Variants in ALB observed in about 807,000 individuals in gnomAD.
ALB encodes serum albumin.
ALB carries 37 observed loss-of-function variants against 74.5 expected under a neutral mutation model. The ratio of observed to expected loss-of-function variants is 0.50; its 90% CI spans 0.38 to 0.65. The LOEUF (loss-of-function observed/expected upper bound fraction) is 0.65. ALB is among the 30% of genes least tolerant of loss of function. The pLI, the probability that ALB is intolerant of heterozygous loss-of-function variation, is 0.00. For synonymous variants in ALB, 249 were observed against 251.6 expected (o/e 0.99, Z 0.10); for missense variants, 685 against 718.7 (o/e 0.95, Z 0.54).
Position 73,406,660 on chromosome 4 carries a change from C to T in ALB, c.169C>T (p.Gln57Ter). The change falls in exon 3 of 15, where the codon CAG becomes TAG. Residue 57 changes from glutamine (Q) to a stop codon, truncating the protein, a stop_gained. Transcript: ENST00000295897. LOFTEE classifies it high-confidence loss of function. ...GATTGCCTTTGCTCAGTATCTTCAG[C>T]AGTGTCCATTTGAAGATCATGTAAA... Reference protein sequence around the residue: ...VLIAFAQYLQQCPFEDHVKLV... With the variant: ...VLIAFAQYLQ 1 of 1,613,780 alleles carries T rather than the reference C, an allele frequency of 6.2e-7. No homozygotes were observed. The highest frequency in any genetic ancestry group is 1.1e-5 in the South Asian group (1 of 91,076).
chr4:73,410,258 G>T (rs1577937004), intron 5 of ALB, 54 bp from the exon 6 acceptor site: 4 of 1,354,338 alleles, frequency 3.0e-6, no homozygotes, highest in Non-Finnish European at 4.2e-6. Context: ...TTATGGAGGG[G>T]TGTTTCATGT....
chr4:73,420,165 G>A (rs760591610), intron 13 of ALB, 89 bp from the exon 14 acceptor site: 25 of 1,152,762 alleles, frequency 2.2e-5, no homozygotes, highest in Non-Finnish European at 3.1e-5. Context: ...AAATCACTTT[G>A]CAATCATCAA....
At position 73,405,927 on chromosome 4, in the gene ALB, TG is replaced by T. The variant is rs1340310239; in HGVS notation, c.138-701del. Among the ~76,000 whole-genome samples the T allele has an allele frequency of 2.6e-5, 4 of 152,148 alleles. No homozygotes were observed. In the East Asian group the frequency reaches 7.7e-4, roughly 29 times the overall value. ...TTAATCTAGTAAAAAATGAGAAAAT[TG>T]TTTTTTTAAAAGTCTACCTAATCCT... On this transcript the variant is annotated intron_variant, in intron 2 of 14. Transcript: ENST00000295897.
At chr4:73,409,676 T>C (rs1337362618) in intron 5 of ALB, among the ~76,000 whole-genome samples, 189 bp downstream of exon 5, 1 of 152,186 alleles carries the variant, frequency 6.6e-6, no homozygotes, top group Admixed American at 6.5e-5. Flanking sequence ...TTTTAAGATT[T>C]GCCAATGATG....
At chr4:73,416,220 G>C in intron 9 of ALB, 36 bp from the exon 10 acceptor site, 1 of 1,553,360 alleles carries the variant, frequency 6.4e-7, no homozygotes, top group Non-Finnish European at 8.9e-7. Context: ...TGATCCTGAG[G>C]CATAATACTA....
Position 73,416,912 on chromosome 4 carries a change from A to G in ALB, c.1289+559A>G, listed in dbSNP as rs191726335. On this transcript the variant is annotated intron_variant, in intron 10 of 14. Coordinates refer to ENST00000295897, the MANE Select transcript of ALB (RefSeq NM_000477.7). ...AATAGAGTCTTATCTATGAAGGTTA[A>G]AAACAAGAAGAGACATATTATACAG... 3.5e-4 allele frequency among the ~76,000 whole-genome samples: 53 copies of G among 152,278 alleles called. No homozygotes were observed. In the East Asian group the frequency reaches 8.9e-3, roughly 26 times the overall value.
intron 6 of ALB, among the ~76,000 whole-genome samples, chr4:73,411,195 C>T (rs1043276707): frequency 2.6e-5 from 4 of 151,498 alleles, no homozygotes; most frequent in Non-Finnish European, 4.4e-5. Flanking sequence ...ACTGTATTTG[C>T]TCATCATTCC....
intron 6 of ALB, among the ~76,000 whole-genome samples, chr4:73,411,041 C>T (rs1260950284): frequency 6.6e-6 from 1 of 152,140 alleles, no homozygotes; most frequent in African/African-American, 2.4e-5. Flanking sequence ...GTTCTGGGAG[C>T]ATACTTTAAT....
chr4:73,412,464 A>T (rs1718903974), intron 7 of ALB, among the ~76,000 whole-genome samples: 1 of 152,110 alleles, frequency 6.6e-6, no homozygotes, highest in African/African-American at 2.4e-5. Flanking sequence ...TCTTTTTTTA[A>T]GACAGAGTTT....
At chr4:73,414,670 G>A (rs1320450914) in intron 8 of ALB, among the ~76,000 whole-genome samples, 1 of 152,052 alleles carries the variant, frequency 6.6e-6, no homozygotes, top group African/African-American at 2.4e-5. Context: ...GGTCAGACTG[G>A]TCTCAAACTC....
At chr4:73,416,558 T>C (rs1719019372) in intron 10 of ALB, among the ~76,000 whole-genome samples, 1 of 152,152 alleles carries the variant, frequency 6.6e-6, no homozygotes, top group Admixed American at 6.5e-5. Context: ...AAAATTGTTC[T>C]CTTAAGATTG....
At position 73,419,731 on chromosome 4, in the gene ALB, C is replaced by CT. The variant is rs528209237; in HGVS notation, c.1785+95dup. 2.3e-3 allele frequency: 3,324 copies of CT among 1,455,668 alleles called. 107 individuals carry two copies. In the Admixed American group the frequency reaches 0.053, roughly 23 times the overall value. 90.2% of individuals were successfully genotyped at this position (1,455,668 alleles called of 1,614,324 possible). Reference sequence around the variant, plus strand: ...TTAGGGATTTATATATCAAAGGAGGCTTTGTACATGTGGGACAGGGATCTT... The same window carrying CT: ...TTAGGGATTTATATATCAAAGGAGGCTTTTGTACATGTGGGACAGGGATCTT... On this transcript the variant is annotated intron_variant, in intron 13 of 14. Coordinates refer to ENST00000295897, the MANE Select transcript of ALB (RefSeq NM_000477.7).
At chr4:73,413,694 T>C (rs1231805981) in intron 8 of ALB, 60 bp downstream of exon 8, 4 of 1,512,758 alleles carry the variant, frequency 2.6e-6, no homozygotes, top group Non-Finnish European at 3.7e-6. Flanking sequence ...CTTAGGAGGA[T>C]AGCCTAGGCT....
At chr4:73,413,108 T>G (rs1292707261) in intron 7 of ALB, 5 of 309,562 alleles carry the variant, frequency 1.6e-5, no homozygotes, top group African/African-American at 8.6e-5. Flanking sequence ...CACTTAATTT[T>G]GGGGGATTAT....
At chr4:73,417,139 A>C (rs1266519043) in intron 10 of ALB, among the ~76,000 whole-genome samples, 2 of 152,150 alleles carry the variant, frequency 1.3e-5, no homozygotes, top group Non-Finnish European at 2.9e-5. Context: ...TACTACTTTT[A>C]ATTTAACCCT....
chr4:73,409,723 A>T (rs1718825261), intron 5 of ALB, among the ~76,000 whole-genome samples: 1 of 152,158 alleles, frequency 6.6e-6, no homozygotes, highest in Non-Finnish European at 1.5e-5. Context: ...GTGTTTAAAG[A>T]TTTCACCACT....
chr4:73,419,944 A>G (rs1219922908), intron 13 of ALB, among the ~76,000 whole-genome samples: 1 of 152,194 alleles, frequency 6.6e-6, no homozygotes, highest in Non-Finnish European at 1.5e-5. Flanking sequence ...ACATTAATTT[A>G]TTTAAACATT....
At chr4:73,411,598 A>G (rs1718878697) in intron 6 of ALB, among the ~76,000 whole-genome samples, 1 of 152,208 alleles carries the variant, frequency 6.6e-6, no homozygotes, top group Non-Finnish European at 1.5e-5. Context: ...AAACTTCTTC[A>G]ATTTAGCATG....
chr4:73,404,681 G>C (rs1211445881), intron 1 of ALB, among the ~76,000 whole-genome samples: 1 of 151,872 alleles, frequency 6.6e-6, no homozygotes, highest in Non-Finnish European at 1.5e-5. Context: ...AAACTTCACA[G>C]AATAGGGTTG....
Sources: gnomAD v4.1 joint callset for allele counts (sites outside exome capture counted in the v4.1 genomes callset) on GRCh38, gnomAD v4.1.1 for gene constraint, MANE v1.5 for transcripts, NCBI Gene and HGNC (gene_info 2026-07-23, HGNC 2026-07-21) for gene names.